The following ERO1B variants were observed in gnomAD, a reference collection of about 807,000 sequenced individuals.
The protein encoded by ERO1B is endoplasmic reticulum oxidoreductase 1 beta, also known as ERO1-like protein beta.
Under a neutral mutation model 75.3 loss-of-function variants are expected in ERO1B, and 49 were observed. The observed-to-expected ratio is 0.65, with a 90% CI of 0.52 to 0.83. The LOEUF (loss-of-function observed/expected upper bound fraction) is 0.83. Among genes scored for constraint, ERO1B ranks in the 40% least tolerant of loss-of-function variants. ERO1B has a pLI of 0.00. For missense variants in ERO1B, 512 were observed against 560.1 expected (o/e 0.91, Z 0.87); for synonymous variants, 191 against 192.9 (o/e 0.99, Z 0.08).
chr1:236,245,583 T>A (rs1242630668), intron 5 of ERO1B, among the ~76,000 whole-genome samples: 1 of 27,794 alleles, frequency 3.6e-5, no homozygotes, highest in African/African-American at 1.2e-4. Flanking sequence ...TATATATATT[T>A]TTTTTTTTTT....
chr1:236,248,624 G>A lies in ERO1B; in HGVS notation c.431+1261C>T, dbSNP rs918741310. 1.8e-4 allele frequency among the ~76,000 whole-genome samples: 28 copies of A among 151,948 alleles called. 1 individual carries two copies. Among genetic ancestry groups the A allele is most frequent in the Admixed American group, 1.8e-3 (27 of 15,254 alleles). On this transcript the variant is annotated intron_variant, in intron 5 of 15. Transcript: ENST00000354619. ...AGATCTAGAAAGCAAAATGTACAAT[G>A]AAAAATGTAGCAGAATGTTAAATAT...
intron 2 of ERO1B, among the ~76,000 whole-genome samples, chr1:236,259,528 G>C (rs1665242316): frequency 6.6e-6 from 1 of 152,080 alleles, no homozygotes; most frequent in Non-Finnish European, 1.5e-5. Context: ...GACACACACA[G>C]ACTGAAAAGA....
intron 1 of ERO1B, among the ~76,000 whole-genome samples, chr1:236,278,872 C>T (rs542275307): frequency 6.6e-6 from 1 of 152,142 alleles, no homozygotes; most frequent in Admixed American, 6.5e-5. Flanking sequence ...AAATATGTAT[C>T]TCCTTTAATG....
At chr1:236,237,230 C>T (rs1180318929) in intron 6 of ERO1B, among the ~76,000 whole-genome samples, 1 of 151,462 alleles carries the variant, frequency 6.6e-6, no homozygotes, top group African/African-American at 2.4e-5. Flanking sequence ...AGCGATTCTC[C>T]TGCCTCAGCC....
chr1:236,225,519 TAACTC>T (rs1445941532), intron 12 of ERO1B, among the ~76,000 whole-genome samples: 8 of 152,250 alleles, frequency 5.3e-5, no homozygotes, highest in African/African-American at 1.7e-4. Context: ...AAAAACCAGT[TAACTC>T]AAGTTTTCTT....
At chr1:236,277,122 A>T (rs1377557608) in intron 1 of ERO1B, among the ~76,000 whole-genome samples, 1 of 152,188 alleles carries the variant, frequency 6.6e-6, no homozygotes, top group Non-Finnish European at 1.5e-5. Context: ...GAATGGACTA[A>T]GCCAGGCACA....
chr1:236,239,891 G>GTATA (rs1231944397), intron 6 of ERO1B, among the ~76,000 whole-genome samples: 2 of 61,910 alleles, frequency 3.2e-5, no homozygotes, highest in Non-Finnish European at 7.7e-5. Flanking sequence ...GTGTGTGTGT[G>GTATA]TATATATATA....
rs71559929 is a variant in ERO1B at position 236,258,149 on chromosome 1, C to CAGAAAAA, written c.223-4645_223-4644insTTTTTCT. Among the ~76,000 whole-genome samples the CAGAAAAA allele has an allele frequency of 4.2e-3, 406 of 96,574 alleles. 21 individuals are homozygous for CAGAAAAA. The highest frequency in any genetic ancestry group is 0.011 in the Middle Eastern group (2 of 174). 63.4% of individuals were successfully genotyped at this position (96,574 alleles called of 152,430 possible). A position where few individuals can be genotyped will look rare whatever the true frequency, so the allele number is the denominator to read the frequency against. Reference sequence around the variant, plus strand: ...AGAAAGAAAAAAAAGAAAAACAAAGCAAAAAAAAAAAAAACCCAGCCAGAT... The same window carrying CAGAAAAA: ...AGAAAGAAAAAAAAGAAAAACAAAGCAGAAAAAAAAAAAAAAAAAAACCCAGCCAGAT... On this transcript the variant is annotated intron_variant, in intron 2 of 15. Coordinates refer to ENST00000354619, the MANE Select transcript of ERO1B (RefSeq NM_019891.4).
rs753217033 is a variant in ERO1B, at chr1:236,218,564, A to G, written c.1356T>C (p.Ser452=). 7.2e-6 allele frequency: 10 copies of G among 1,387,154 alleles called. No homozygotes were observed. The highest frequency in any genetic ancestry group is 1.8e-5 in the South Asian group (1 of 56,418). 85.9% of individuals were successfully genotyped at this position (1,387,154 alleles called of 1,614,324 possible). ...LLNAFGRLST[S]IRDLQNFKVL... is the part of the protein sequence containing the mutation. ...CTTTAAAATTCTGTAAGTCTCTTAT[A>G]CTTGTAGAAAGCCTATGGAAGAAAG... The change falls in exon 16 of 16, where the codon AGT becomes AGC. Residue 452 remains serine (S), a synonymous_variant. Transcript: ENST00000354619.
chr1:236,236,419 A>T (rs1664548881), intron 6 of ERO1B, 21 bp from the exon 7 acceptor site: 1 of 1,611,980 alleles, frequency 6.2e-7, no homozygotes, highest in South Asian at 1.1e-5. Context: ...AAAAATTCAT[A>T]AAAACCATCC....
Position 236,216,211 on chromosome 1 carries a change from T to C in ERO1B, c.*2305A>G, listed in dbSNP as rs1572023218. ...TGGGTACAATCATTTCTGTCAGTTA[T>C]ATTATCAAGTGCTGGGTTTTTAAAT... On this transcript the variant is annotated 3_prime_UTR_variant, in exon 16 of 16. Transcript: ENST00000354619. 3 of 152,296 alleles carry C rather than the reference T, an allele frequency of 2.0e-5. No individual in the cohort carries two copies. In the South Asian group the frequency reaches 6.2e-4, roughly 32 times the overall value. The allele number at this position is 152,296 out of a possible 1,614,324, so 9.4% of individuals were successfully genotyped here. A position where few individuals can be genotyped will look rare whatever the true frequency, so the allele number is the denominator to read the frequency against.
chr1:236,222,689 AT>A (rs1373028566), intron 13 of ERO1B, among the ~76,000 whole-genome samples: 2 of 152,198 alleles, frequency 1.3e-5, no homozygotes, highest in African/African-American at 4.8e-5. Flanking sequence ...TGTTTCACTT[AT>A]TTTTGATCCT....
intron 12 of ERO1B, 103 bp downstream of exon 12, chr1:236,226,166 C>T: frequency 1.8e-6 from 2 of 1,122,898 alleles, no homozygotes; most frequent in Non-Finnish European, 2.6e-6. Context: ...TGTTCTACAT[C>T]TCCCCTCGGT....
intron 13 of ERO1B, among the ~76,000 whole-genome samples, chr1:236,222,271 C>A (rs2463187): frequency 0.47 from 71,354 of 151,970 alleles, 17,471 homozygotes; most frequent in East Asian, 0.88. Flanking sequence ...TGCCGCCATG[C>A]CCAGCTAATT....
intron 2 of ERO1B, among the ~76,000 whole-genome samples, chr1:236,265,496 T>G (rs1277548000): frequency 6.6e-6 from 1 of 152,214 alleles, no homozygotes; most frequent in Non-Finnish European, 1.5e-5. Flanking sequence ...TTGCCTTTTG[T>G]GTACAACCCT....
intron 4 of ERO1B, chr1:236,251,396 A>C (rs1030217438): frequency 1.4e-6 from 1 of 696,070 alleles, no homozygotes; most frequent in African/African-American, 1.9e-5. Flanking sequence ...GGGGGTTTCA[A>C]CTGCTTTTAT....
At chr1:236,265,421 C>CA (rs1489998269) in intron 2 of ERO1B, among the ~76,000 whole-genome samples, 15 of 152,114 alleles carry the variant, frequency 9.9e-5, no homozygotes. Flanking sequence ...AAAACTTAGG[C>CA]ATCATCCTTG....
At chr1:236,266,567 G>A (rs1246001680) in intron 2 of ERO1B, among the ~76,000 whole-genome samples, 4 of 151,368 alleles carry the variant, frequency 2.6e-5, no homozygotes, top group Non-Finnish European at 5.9e-5. Context: ...TCGTACCACT[G>A]CACTCCAGCC....
At chr1:236,247,691 C>T (rs1664919372) in intron 5 of ERO1B, among the ~76,000 whole-genome samples, 1 of 152,174 alleles carries the variant, frequency 6.6e-6, no homozygotes, top group African/African-American at 2.4e-5. Context: ...TACAAGATCT[C>T]TACCCACCCC....
Sources: gnomAD v4.1 joint callset for allele counts (sites outside exome capture counted in the v4.1 genomes callset) on GRCh38, gnomAD v4.1.1 for gene constraint, MANE v1.5 for transcripts, NCBI Gene and HGNC (gene_info 2026-07-23, HGNC 2026-07-21) for gene names.